Variants in HM13 observed in about 807,000 individuals in gnomAD.
The protein encoded by HM13 is histocompatibility minor 13.
A neutral mutation model predicts 50.0 loss-of-function variants in HM13; 18 were observed. That is an observed-to-expected ratio of 0.36 (90% CI 0.25 to 0.53). The LOEUF is 0.53. HM13 is among the 20% of genes least tolerant of loss of function. The pLI is 0.90. For synonymous variants in HM13, 197 were observed against 232.6 expected (o/e 0.85, Z 1.39); for missense variants, 393 against 552.4 (o/e 0.71, Z 2.89).
intron 1 of HM13, among the ~76,000 whole-genome samples, chr20:31,521,832 G>A (rs1305552325): frequency 1.4e-5 from 2 of 146,700 alleles, no homozygotes; most frequent in African/African-American, 5.1e-5. Flanking sequence ...TACTATTATC[G>A]TCAGATTTCA....
intron 4 of HM13, chr20:31,547,382 G>A: frequency 2.5e-6 from 1 of 392,818 alleles, no homozygotes. Context: ...TCCGGTTAGC[G>A]ACAACGGCTC....
At chr20:31,526,312 C>T (rs1158906053) in intron 1 of HM13, among the ~76,000 whole-genome samples, 3 of 152,184 alleles carry the variant, frequency 2.0e-5, no homozygotes, top group Non-Finnish European at 4.4e-5. Flanking sequence ...GTGCCCGCCA[C>T]TGCGCCCGGC....
rs1985136329 is a variant in HM13, at chr20:31,569,397, C to T, written c.*178C>T. 4.0e-6 allele frequency: 2 copies of T among 500,374 alleles called. No homozygotes were observed. Among genetic ancestry groups the T allele is most frequent in the African/African-American group, 3.9e-5 (2 of 51,560 alleles). The allele number at this position is 500,374 out of a possible 1,614,324, so 31.0% of individuals were successfully genotyped here. A position where few individuals can be genotyped will look rare whatever the true frequency, so the allele number is the denominator to read the frequency against. On this transcript the variant is annotated 3_prime_UTR_variant, in exon 13 of 13. Transcript: ENST00000398174. ...CTGTTTCCTTCTCCCTTTCTTGGCC[C>T]TCCTCTGCTCCTCCCCACACCCTGC...
intron 3 of HM13, chr20:31,539,251 A>G: frequency 1.0e-6 from 1 of 985,544 alleles, no homozygotes; most frequent in South Asian, 4.7e-5. Context: ...GCATACCAGT[A>G]TTCCCCAGCT....
chr20:31,528,685 G>A (rs1414595762), intron 2 of HM13, among the ~76,000 whole-genome samples: 1 of 152,216 alleles, frequency 6.6e-6, no homozygotes, highest in Non-Finnish European at 1.5e-5. Flanking sequence ...CACTGTGTTG[G>A]TCAGGCTGGT....
At chr20:31,538,626 A>G in intron 3 of HM13, 1 of 1,203,642 alleles carries the variant, frequency 8.3e-7, no homozygotes, top group Non-Finnish European at 1.0e-6. Flanking sequence ...TGGGCTCCTC[A>G]CACATGATCG....
chr20:31,568,059 T>C lies in HM13; in HGVS notation c.1035-19T>C, dbSNP rs1454050951. 8.2e-6 allele frequency: 13 copies of C among 1,576,322 alleles called. No homozygotes were observed. In the African/African-American group the frequency reaches 1.2e-4, roughly 15 times the overall value. On this transcript the variant is annotated intron_variant, in intron 11 of 12. Transcript: ENST00000398174. Reference sequence around the variant, plus strand: ...CTATCCATCTCTTTTTTTCTGTCTCTTCTCTCTCTCTCACACAGCTACGAG... The same window carrying C: ...CTATCCATCTCTTTTTTTCTGTCTCCTCTCTCTCTCTCACACAGCTACGAG...
intron 7 of HM13, 50 bp downstream of exon 7, chr20:31,550,171 C>T (rs1188455488): frequency 1.4e-6 from 2 of 1,393,274 alleles, no homozygotes; most frequent in East Asian, 4.6e-5. Flanking sequence ...CCCTGCCGGG[C>T]CATGCCCCCA....
intron 11 of HM13, among the ~76,000 whole-genome samples, chr20:31,566,927 G>T (rs1289010392): frequency 6.6e-6 from 1 of 152,128 alleles, no homozygotes; most frequent in African/African-American, 2.4e-5. Context: ...GACCCTGCCT[G>T]CCAGGGACCT....
intron 8 of HM13, among the ~76,000 whole-genome samples, chr20:31,555,949 GAC>G: frequency 6.6e-6 from 1 of 152,056 alleles, no homozygotes; most frequent in South Asian, 2.1e-4. Context: ...CAGCTTGGGT[GAC>G]AGAGTGAGAC....
At chr20:31,552,881 C>T (rs1984103774) in intron 7 of HM13, among the ~76,000 whole-genome samples, 1 of 152,176 alleles carries the variant, frequency 6.6e-6, no homozygotes, top group Non-Finnish European at 1.5e-5. Flanking sequence ...GTGCACGCAC[C>T]TCTGTGTACC....
intron 2 of HM13, among the ~76,000 whole-genome samples, chr20:31,528,742 G>A (rs565663721): frequency 6.6e-6 from 1 of 152,330 alleles, no homozygotes; most frequent in East Asian, 1.9e-4. Flanking sequence ...CTCCCAAAGT[G>A]CTGGGATTAC....
Position 31,549,343 on chromosome 20 carries a change from C to T in HM13, c.666+11C>T, listed in dbSNP as rs1438744539. 2 of 1,613,978 alleles carry T rather than the reference C, an allele frequency of 1.2e-6. No homozygotes were observed. The highest frequency in any genetic ancestry group is 2.2e-5 in the South Asian group (2 of 91,086). ...TACGATGTCTTCTGGGTGAGTCAGG[C>T]AGGGATGCCAAGGATGTCTGGCTCC... On this transcript the variant is annotated intron_variant, in intron 6 of 12. Transcript: ENST00000398174.
rs749561279 is a variant in HM13, at chr20:31,549,275, C to T, written c.609C>T (p.Asn203=). 8 of 1,614,096 alleles carry T rather than the reference C, an allele frequency of 5.0e-6. No individual in the cohort carries two copies. The highest frequency in any genetic ancestry group is 1.7e-6 in the Non-Finnish European group (2 of 1,180,040). ...ATGGAGTAGAGCTCCTGCACCTCAA[C>T]AATGTCAGCACTGGCTGCATCCTGC... ...SLNGVELLHL[N]NVSTGCILLG... The change falls in exon 6 of 13, where the codon AAC becomes AAT. Residue 203 remains asparagine, a synonymous_variant. Transcript: ENST00000398174.
chr20:31,556,602 C>A (rs1055907082), intron 8 of HM13, among the ~76,000 whole-genome samples: 1 of 152,148 alleles, frequency 6.6e-6, no homozygotes, highest in East Asian at 1.9e-4. Context: ...GGACTCAGAC[C>A]AGCACTGTCC....
chr20:31,541,891 C>T (rs892744383), intron 3 of HM13, among the ~76,000 whole-genome samples: 1 of 152,210 alleles, frequency 6.6e-6, no homozygotes, highest in Non-Finnish European at 1.5e-5. Context: ...TATGTAACCA[C>T]CAGGATTCAC....
intron 1 of HM13, among the ~76,000 whole-genome samples, chr20:31,515,055 G>A (rs1981690189): frequency 6.6e-6 from 1 of 152,220 alleles, no homozygotes; most frequent in South Asian, 2.1e-4. Context: ...TGCGACTCGG[G>A]CACTGATTGT....
intron 1 of HM13, among the ~76,000 whole-genome samples, chr20:31,516,892 C>T (rs1981816525): frequency 6.6e-6 from 1 of 152,170 alleles, no homozygotes; most frequent in Admixed American, 6.6e-5. Context: ...AGGTGGCAGG[C>T]AGAGCCAGTT....
chr20:31,516,323 A>G (rs1230939759), intron 1 of HM13, among the ~76,000 whole-genome samples: 1 of 152,228 alleles, frequency 6.6e-6, no homozygotes, highest in East Asian at 1.9e-4. Flanking sequence ...ATCTCTGCAG[A>G]AAACACCTTC....
Sources: gnomAD v4.1 joint callset for allele counts (sites outside exome capture counted in the v4.1 genomes callset) on GRCh38, gnomAD v4.1.1 for gene constraint, MANE v1.5 for transcripts, NCBI Gene and HGNC (gene_info 2026-07-23, HGNC 2026-07-21) for gene names.